APBB2: variants seen among roughly 807,000 people sequenced by gnomAD.
APBB2 encodes the protein Fe65-like 1.
APBB2 carries 38 observed loss-of-function variants against 82.5 expected under a neutral mutation model. The ratio of observed to expected loss-of-function variants is 0.46; its 90% CI spans 0.36 to 0.60. The LOEUF is 0.60. Ranked by LOEUF, APBB2 falls within the 20% of genes least tolerant of loss-of-function variation. The pLI is 0.00. For synonymous variants in APBB2, 341 were observed against 368.2 expected (o/e 0.93, Z 0.85); for missense variants, 772 against 972.3 (o/e 0.79, Z 2.74).
intron 17 of APBB2, among the ~76,000 whole-genome samples, chr4:40,816,837 G>T (rs1289163585): frequency 6.6e-6 from 1 of 152,144 alleles, no homozygotes; most frequent in South Asian, 2.1e-4. Context: ...AACACAGAAG[G>T]CATTCAGAAA....
chr4:40,934,836 G>A (rs1353195820), intron 8 of APBB2, 137 bp from the exon 9 acceptor site: 1 of 720,890 alleles, frequency 1.4e-6, no homozygotes, highest in East Asian at 2.7e-5. Context: ...GGCATGCAAG[G>A]ACTGTTGAAT....
At chr4:41,206,231 G>A (rs1777894816) in intron 1 of APBB2, among the ~76,000 whole-genome samples, 1 of 152,172 alleles carries the variant, frequency 6.6e-6, no homozygotes, top group African/African-American at 2.4e-5. Flanking sequence ...GCAGCTGAAG[G>A]GTTTGCTGTA....
intron 3 of APBB2, among the ~76,000 whole-genome samples, chr4:41,066,513 G>A (rs760248210): frequency 1.3e-5 from 2 of 152,148 alleles, no homozygotes. Context: ...CCACCCTAGG[G>A]CCATGGGATG....
chr4:41,104,863 T>C (rs1354426892), intron 2 of APBB2, among the ~76,000 whole-genome samples: 1 of 152,202 alleles, frequency 6.6e-6, no homozygotes, highest in Admixed American at 6.5e-5. Context: ...AGTATTCTAG[T>C]GTGTATATGT....
At chr4:41,210,834 A>G (rs973848691) in intron 1 of APBB2, among the ~76,000 whole-genome samples, 4 of 152,248 alleles carry the variant, frequency 2.6e-5, no homozygotes, top group Non-Finnish European at 5.9e-5. Flanking sequence ...TTAAAGCTCT[A>G]TTGCTGTGAA....
rs192547624 is a variant in APBB2 at position 41,116,863 on chromosome 4, T to C, written c.-260-16113A>G. Among the ~76,000 whole-genome samples the C allele has an allele frequency of 1.4e-4, 21 of 152,300 alleles. No individual in the cohort carries two copies. The East Asian group carries it at 4.1e-3, about 29-fold the overall frequency. On this transcript the variant is annotated intron_variant, in intron 2 of 17. Transcript: ENST00000508593. Reference sequence around the variant, plus strand: ...TTACACCTTTCTCTCTCTCGTCGTGTTGTCTTGCCAAATTAAATTATAGTC... The same window carrying C: ...TTACACCTTTCTCTCTCTCGTCGTGCTGTCTTGCCAAATTAAATTATAGTC...
At chr4:40,830,346 C>T (rs2437343) in intron 13 of APBB2, 117 bp downstream of exon 13, 416,382 of 692,092 alleles carry the variant, frequency 0.6, 130,057 homozygotes, top group African/African-American at 0.7. Context: ...AACAATCTGC[C>T]TACTTCTCCC....
intron 6 of APBB2, among the ~76,000 whole-genome samples, chr4:40,959,379 A>C (rs1049352423): frequency 4.6e-5 from 7 of 152,154 alleles, no homozygotes; most frequent in African/African-American, 1.7e-4. Context: ...AAATGGAGAC[A>C]ATTTTCTTTT....
chr4:40,975,003 C>T (rs1037219978), intron 6 of APBB2, among the ~76,000 whole-genome samples: 1 of 152,218 alleles, frequency 6.6e-6, no homozygotes, highest in African/African-American at 2.4e-5. Context: ...ACAAGAGACA[C>T]TTCAACCCTT....
intron 6 of APBB2, among the ~76,000 whole-genome samples, chr4:40,947,563 T>A (rs1788793571): frequency 6.6e-6 from 1 of 152,276 alleles, no homozygotes; most frequent in Non-Finnish European, 1.5e-5. Flanking sequence ...TTATCTTCAA[T>A]TAAACCCACC....
intron 4 of APBB2, among the ~76,000 whole-genome samples, chr4:41,044,184 C>T (rs1722542136): frequency 6.6e-6 from 1 of 152,122 alleles, no homozygotes; most frequent in South Asian, 2.1e-4. Flanking sequence ...CTTCATCTAC[C>T]ACTTGGTTTT....
At chr4:41,141,492 C>T (rs1464169582) in intron 2 of APBB2, among the ~76,000 whole-genome samples, 1 of 152,162 alleles carries the variant, frequency 6.6e-6, no homozygotes, top group Admixed American at 6.5e-5. Context: ...GTAAGGTTTT[C>T]CCTAAGTCAT....
intron 10 of APBB2, among the ~76,000 whole-genome samples, chr4:40,930,450 C>A (rs6812470): frequency 1.7e-5 from 1 of 57,274 alleles, no homozygotes; most frequent in East Asian, 4.7e-4. Flanking sequence ...TGTGTGTGTG[C>A]GCGCGCGCGC....
Position 41,013,875 on chromosome 4 carries a change from A to G in APBB2, c.543T>C (p.Asn181=). Residue 181 remains asparagine (N), a synonymous_variant, in exon 6 of 18, where the codon AAT becomes AAC. Coordinates refer to ENST00000508593, the MANE Select transcript of APBB2 (RefSeq NM_004307.2). ...SARELEQNRG[N]HHGTAEEKSQ... ...ATTTCTCTTCCGCAGTCCCATGGTG[A>G]TTGCCTCGGTTCTGCTCTAGTTCTC... The G allele has an allele frequency of 6.2e-7, 1 of 1,614,024 alleles. No individual in the cohort carries two copies. The highest frequency in any genetic ancestry group is 8.5e-7 in the Non-Finnish European group (1 of 1,180,004).
chr4:41,001,872 C>T (rs1805341065), intron 6 of APBB2, among the ~76,000 whole-genome samples: 6 of 145,570 alleles, frequency 4.1e-5, no homozygotes, highest in Admixed American at 2.7e-4. Flanking sequence ...AGTGAGACTC[C>T]GCCTCAAAAA....
At chr4:40,980,810 C>T (rs1272714354) in intron 6 of APBB2, among the ~76,000 whole-genome samples, 4 of 152,210 alleles carry the variant, frequency 2.6e-5, no homozygotes, top group Admixed American at 2.0e-4. Flanking sequence ...ATTTCCCCAA[C>T]TCAGGCTTTT....
chr4:41,187,345 AAG>A (rs758811989), intron 1 of APBB2, among the ~76,000 whole-genome samples: 3 of 152,222 alleles, frequency 2.0e-5, no homozygotes, highest in Non-Finnish European at 4.4e-5. Flanking sequence ...GAAAAAAGAT[AAG>A]AGTCTTTTAA....
intron 4 of APBB2, among the ~76,000 whole-genome samples, chr4:41,048,046 T>C (rs1005746167): frequency 6.6e-6 from 1 of 152,238 alleles, no homozygotes; most frequent in African/African-American, 2.4e-5. Context: ...TAGAAAATTA[T>C]AGTGAAATCC....
intron 10 of APBB2, among the ~76,000 whole-genome samples, chr4:40,906,464 C>CAAAAAAAAAAAAAAAAAAAAAAAA (rs5857755): frequency 1.5e-5 from 1 of 67,986 alleles, no homozygotes; most frequent in Non-Finnish European, 2.6e-5. Flanking sequence ...AAACCTGTCT[C>CAAAAAAAAAAAAAAAAAAAAAAAA]AAAAAAAAAA....
Sources: gnomAD v4.1 joint callset for allele counts (sites outside exome capture counted in the v4.1 genomes callset) on GRCh38, gnomAD v4.1.1 for gene constraint, MANE v1.5 for transcripts, NCBI Gene and HGNC (gene_info 2026-07-23, HGNC 2026-07-21) for gene names.